The following TUBGCP3 variants were observed in gnomAD, a reference collection of about 807,000 sequenced individuals.
TUBGCP3 encodes the protein tubulin gamma complex component 3.
In TUBGCP3, 50 loss-of-function variants were observed where a neutral mutation model predicts 123.1. The observed-to-expected ratio is 0.41, with a 90% CI of 0.32 to 0.51. The LOEUF (loss-of-function observed/expected upper bound fraction) is 0.51, where lower values mean the gene tolerates loss of function less well. Ranked by LOEUF, TUBGCP3 falls within the 20% of genes least tolerant of loss-of-function variation. The pLI is 0.36. For synonymous variants in TUBGCP3, 405 were observed against 413.9 expected, an observed-to-expected ratio of 0.98 and a Z score of 0.26; for missense variants, 882 against 1,127.0, an observed-to-expected ratio of 0.78 and a Z score of 3.11.
chr13:112,530,509 G>A (rs990440727), intron 11 of TUBGCP3, among the ~76,000 whole-genome samples: 9 of 152,200 alleles, frequency 5.9e-5, no homozygotes, highest in Non-Finnish European at 8.8e-5. Flanking sequence ...AACCAACGGC[G>A]CACACAGAAA....
At position 112,555,014 on chromosome 13, in the gene TUBGCP3, T is replaced by C. The variant is rs773587344; in HGVS notation, c.722-9A>G. ...TGTAATTTCCATAGTACCTGCAAAA[T>C]CATTTTTTAAAGACAGTAATTACTA... On this transcript the variant is annotated splice_polypyrimidine_tract_variant and intron_variant, in intron 6 of 21. Coordinates refer to ENST00000261965, the MANE Select transcript of TUBGCP3 (RefSeq NM_006322.6). 121 of 1,547,120 alleles carry C rather than the reference T, an allele frequency of 7.8e-5. No individual in the cohort carries two copies. Among genetic ancestry groups the C allele is most frequent in the Non-Finnish European group, 1.0e-4 (115 of 1,133,342 alleles).
At position 112,588,128 on chromosome 13, in the gene TUBGCP3, A is replaced by ATT; in HGVS notation, c.-150_-149dup. On this transcript the variant is annotated 5_prime_UTR_variant, in exon 1 of 22. In the 5' UTR this introduces an upstream ATG that the reference lacks. Coordinates refer to ENST00000261965, the MANE Select transcript of TUBGCP3 (RefSeq NM_006322.6). ...GGGCGCCGCCGGCCACCAGGGCGCC[A>ATT]TTTTAACGGAACCCGCCGAAAGCGC... 2 of 592,992 alleles carry ATT rather than the reference A, an allele frequency of 3.4e-6. No homozygotes were observed. The highest frequency in any genetic ancestry group is 5.1e-6 in the Non-Finnish European group (2 of 388,738). The allele number at this position is 592,992 out of a possible 1,614,324, so 36.7% of individuals were successfully genotyped here.
intron 18 of TUBGCP3, among the ~76,000 whole-genome samples, 190 bp downstream of exon 18, chr13:112,504,436 T>A (rs1181137291): frequency 6.8e-6 from 1 of 146,384 alleles, no homozygotes; most frequent in Non-Finnish European, 1.5e-5. Flanking sequence ...TGCAGTGAGG[T>A]GAGATCACAC....
intron 20 of TUBGCP3, chr13:112,498,709 AAC>A (rs1250192684): frequency 3.5e-6 from 5 of 1,430,686 alleles, no homozygotes; most frequent in African/African-American, 2.9e-5. Flanking sequence ...ACAAGCTTCA[AAC>A]ACAGAGTGAT....
At chr13:112,563,680 C>G (rs9577807) in intron 3 of TUBGCP3, among the ~76,000 whole-genome samples, 23,152 of 146,498 alleles carry the variant, frequency 0.16, 2,082 homozygotes, top group Non-Finnish European at 0.21. Context: ...TGGCTAACAC[C>G]GTGAAACCCC....
intron 1 of TUBGCP3, among the ~76,000 whole-genome samples, chr13:112,587,613 C>T (rs938242107): frequency 1.3e-5 from 2 of 152,216 alleles, no homozygotes; most frequent in African/African-American, 4.8e-5. Context: ...CCCGCTCCGG[C>T]TCGGCTCCGC....
intron 1 of TUBGCP3, among the ~76,000 whole-genome samples, chr13:112,573,659 G>T (rs556094147): frequency 3.2e-4 from 49 of 152,328 alleles, no homozygotes; most frequent in Non-Finnish European, 5.4e-4. Flanking sequence ...GGGTCAGGAA[G>T]AAATCTTTCA....
At chr13:112,523,220 A>G (rs1271518421) in intron 13 of TUBGCP3, among the ~76,000 whole-genome samples, 2 of 152,218 alleles carry the variant, frequency 1.3e-5, no homozygotes, top group Non-Finnish European at 2.9e-5. Flanking sequence ...CAATAACCCC[A>G]GTGGGAGGAA....
intron 20 of TUBGCP3, among the ~76,000 whole-genome samples, chr13:112,492,792 C>A (rs1880196531): frequency 1.3e-5 from 2 of 151,648 alleles, no homozygotes; most frequent in Non-Finnish European, 2.9e-5. Context: ...GCTATGGGAA[C>A]ATGGCCTGGT....
Position 112,504,105 on chromosome 13 carries a change from T to G in TUBGCP3, c.2234A>C (p.Asp745Ala). ...WNKVQQAQDL[D>A]HIIAAHEVFL... ...CACCTCGTGTGCAGCAATGATGTGA[T>G]CCAAATCCTGGGCCTGCTGGACTTT... Residue 745 changes from aspartate (D) to alanine (A), a missense_variant, in exon 19 of 22, where the codon GAT becomes GCT. Coordinates refer to ENST00000261965, the MANE Select transcript of TUBGCP3 (RefSeq NM_006322.6). 1 of 1,614,120 alleles carries G rather than the reference T, an allele frequency of 6.2e-7. No individual in the cohort carries two copies. Among genetic ancestry groups the G allele is most frequent in the Non-Finnish European group, 8.5e-7 (1 of 1,180,030 alleles).
chr13:112,578,769 GA>G (rs1882058271), intron 1 of TUBGCP3, among the ~76,000 whole-genome samples: 4 of 151,948 alleles, frequency 2.6e-5, no homozygotes, highest in Admixed American at 2.6e-4. Flanking sequence ...CATACTTAGC[GA>G]TGGCCCCCTG....
In TUBGCP3 at chr13:112,586,436, C is replaced by T. The variant is rs1003500754; in HGVS notation, c.76+1469G>A. ...CTAACAATCTTAGTTTTATCTGATT[C>T]CCCCTATGACGAGGAACATGAAACA... On this transcript the variant is annotated intron_variant, in intron 1 of 21. Transcript: ENST00000261965. 2.2e-3 allele frequency among the ~76,000 whole-genome samples: 336 copies of T among 152,150 alleles called. 2 individuals carry two copies. Among genetic ancestry groups the T allele is most frequent in the African/African-American group, 7.7e-3 (320 of 41,492 alleles).
chr13:112,577,932 A>T (rs1411589218), intron 1 of TUBGCP3, among the ~76,000 whole-genome samples: 1 of 152,236 alleles, frequency 6.6e-6, no homozygotes, highest in Non-Finnish European at 1.5e-5. Flanking sequence ...GTAAACTCAA[A>T]AATGAATTTC....
chr13:112,521,169 C>T (rs1222672698), intron 14 of TUBGCP3, among the ~76,000 whole-genome samples: 1 of 152,210 alleles, frequency 6.6e-6, no homozygotes, highest in Non-Finnish European at 1.5e-5. Context: ...AACATTTCCC[C>T]TTTAAAAGCT....
chr13:112,499,280 A>T, intron 19 of TUBGCP3, 95 bp from the exon 20 acceptor site: 1 of 1,429,832 alleles, frequency 7.0e-7, no homozygotes, highest in East Asian at 2.4e-5. Context: ...TTAGAAAACA[A>T]GATATCAACT....
chr13:112,498,986 C>A (rs773777648), intron 20 of TUBGCP3, 59 bp downstream of exon 20: 2 of 1,614,026 alleles, frequency 1.2e-6, no homozygotes, highest in Non-Finnish European at 1.7e-6. Context: ...TTGAGATTAT[C>A]GTGTGTGGCA....
At chr13:112,523,512 G>T (rs1346404580) in intron 13 of TUBGCP3, among the ~76,000 whole-genome samples, 1 of 152,228 alleles carries the variant, frequency 6.6e-6, no homozygotes, top group Non-Finnish European at 1.5e-5. Context: ...AGTGAGGTCT[G>T]CCTGGAGTCA....
intron 11 of TUBGCP3, among the ~76,000 whole-genome samples, chr13:112,531,885 G>A (rs752887289): frequency 3.9e-5 from 6 of 152,024 alleles, no homozygotes; most frequent in Non-Finnish European, 2.9e-5. Context: ...TCCACTCAAG[G>A]TTCTTTAATT....
chr13:112,497,012 A>G (rs1446625722), intron 20 of TUBGCP3, among the ~76,000 whole-genome samples: 1 of 150,892 alleles, frequency 6.6e-6, no homozygotes, highest in African/African-American at 2.4e-5. Context: ...AATCGGAGTG[A>G]TTTTGGTCGA....
Sources: allele counts gnomAD v4.1 joint callset (sites outside exome capture counted in the v4.1 genomes callset), GRCh38; gene constraint gnomAD v4.1.1; transcripts MANE v1.5; gene names NCBI Gene and HGNC (gene_info 2026-07-23, HGNC 2026-07-21).